The following LIPF variants were observed in gnomAD, a reference collection of about 807,000 sequenced individuals.
The protein encoded by LIPF is lipase F, gastric type, also known as gastric triacylglycerol lipase.
In LIPF, 25 loss-of-function variants were observed where a neutral mutation model predicts 38.0. The observed-to-expected ratio is 0.66, with a 90% CI of 0.48 to 0.92. LIPF has a LOEUF of 0.92. Ranked by LOEUF, LIPF falls within the 40% of genes least tolerant of loss-of-function variation. LIPF has a pLI of 0.00. For synonymous variants in LIPF, 161 were observed against 156.2 expected (o/e 1.03, Z -0.23); for missense variants, 410 against 469.9 (o/e 0.87, Z 1.18).
In LIPF at chr10:88,678,570, T is replaced by C. The variant is rs1328079470; in HGVS notation, c.1086T>C (p.Ile362=). 3 of 1,614,060 alleles carry C rather than the reference T, an allele frequency of 1.9e-6. No homozygotes were observed. Among genetic ancestry groups the C allele is most frequent in the East Asian group, 2.2e-5 (1 of 44,884 alleles). ...GLLLPKLPNL[I]YHKEIPFYNH... ...TGCTTCCAAAACTCCCCAATCTTAT[T>C]TACCACAAGGAGATTCCTTTTTACA... Residue 362 remains isoleucine (I), a synonymous_variant, in exon 10 of 10, where the codon ATT becomes ATC. Coordinates refer to ENST00000238983, the MANE Select transcript of LIPF (RefSeq NM_004190.4).
intron 6 of LIPF, among the ~76,000 whole-genome samples, chr10:88,672,580 T>C (rs1011179626): frequency 2.4e-4 from 36 of 151,706 alleles, no homozygotes; most frequent in African/African-American, 8.7e-4. Flanking sequence ...TTAATCGTTT[T>C]GTTTGACAAT....
At chr10:88,671,634 C>G (rs1475443177) in intron 5 of LIPF, among the ~76,000 whole-genome samples, 195 bp from the exon 6 acceptor site, 1 of 151,982 alleles carries the variant, frequency 6.6e-6, no homozygotes, top group Non-Finnish European at 1.5e-5. Context: ...CCTCATGTCC[C>G]CATAGAAAAA....
intron 4 of LIPF, 79 bp downstream of exon 4, chr10:88,668,835 T>C: frequency 8.5e-7 from 1 of 1,183,284 alleles, no homozygotes. Context: ...CAGTCCCATT[T>C]TAACAAATTA....
intron 9 of LIPF, among the ~76,000 whole-genome samples, chr10:88,676,515 C>A (rs1841689079): frequency 6.6e-6 from 1 of 152,168 alleles, no homozygotes; most frequent in African/African-American, 2.4e-5. Context: ...CTTCCCAGGA[C>A]TTACCACTAC....
At chr10:88,666,800 T>A (rs1242822510) in intron 1 of LIPF, among the ~76,000 whole-genome samples, 1 of 152,202 alleles carries the variant, frequency 6.6e-6, no homozygotes, top group African/African-American at 2.4e-5. Context: ...GTTTATGGAA[T>A]AACTATTATA....
Position 88,673,615 on chromosome 10 carries a change from C to T in LIPF, c.697C>T (p.Pro233Ser), listed in dbSNP as rs760545222. The T allele has an allele frequency of 1.9e-6, 3 of 1,611,236 alleles. No individual in the cohort carries two copies. Among genetic ancestry groups the T allele is most frequent in the Non-Finnish European group, 2.5e-6 (3 of 1,178,162 alleles). The change falls in exon 7 of 10, where the codon CCA becomes TCA. Residue 233 changes from proline to serine, a missense_variant. By Grantham distance (74) the Pro-to-Ser change is moderately conservative (BLOSUM62 -1). Coordinates refer to ENST00000238983, the MANE Select transcript of LIPF (RefSeq NM_004190.4). ...KFIFGDKIFY[P>S]HNFFDQFLAT... is the part of the protein sequence containing the mutation. ...TATATTTGGTGACAAAATATTCTAC[C>T]CACACAACTTCTTTGATCAATTTCT...
At position 88,673,582 on chromosome 10, in the gene LIPF, T is replaced by A. The variant is rs1177216283; in HGVS notation, c.670-6T>A. On this transcript the variant is annotated splice_region_variant and splice_polypyrimidine_tract_variant and intron_variant, in intron 6 of 9. Transcript: ENST00000238983. ...ACAACCCTCTAATAGTGCCTTTATT[T>A]TTCAGTTTATATTTGGTGACAAAAT... The A allele has an allele frequency of 6.2e-7, 1 of 1,604,558 alleles. No homozygotes were observed. Among genetic ancestry groups the A allele is most frequent in the Non-Finnish European group, 8.5e-7 (1 of 1,175,054 alleles).
intron 1 of LIPF, among the ~76,000 whole-genome samples, chr10:88,666,627 C>T (rs575921187): frequency 3.9e-5 from 6 of 151,964 alleles, no homozygotes; most frequent in South Asian, 4.1e-4. Flanking sequence ...GAAGCCCAGG[C>T]GGGAAGATAC....
chr10:88,667,631 T>C lies in LIPF; in HGVS notation c.168T>C (p.Gly56=), dbSNP rs994951413. The change falls in exon 3 of 10, where the codon GGT becomes GGC. Residue 56 remains glycine, a synonymous_variant. Coordinates refer to ENST00000238983, the MANE Select transcript of LIPF (RefSeq NM_004190.4). ...AATATGAAGTTGTGACTGAAGATGG[T>C]TATATTCTTGAAGTCAATAGAATTC... ...NEEYEVVTED[G]YILEVNRIPY... 3.2e-5 allele frequency: 51 copies of C among 1,598,980 alleles called. No individual in the cohort carries two copies. The East Asian group carries it at 1.1e-3, about 34-fold the overall frequency.
At chr10:88,668,449 A>G (rs187276187) in intron 3 of LIPF, 109 bp from the exon 4 acceptor site, 1 of 912,344 alleles carries the variant, frequency 1.1e-6, no homozygotes. Context: ...AATCAACTCA[A>G]TCAGGCAAAT....
intron 9 of LIPF, among the ~76,000 whole-genome samples, chr10:88,677,470 T>C (rs192788698): frequency 6.6e-6 from 1 of 152,210 alleles, no homozygotes; most frequent in Non-Finnish European, 1.5e-5. Flanking sequence ...AGGGCCAGCA[T>C]CTAGAAAACT....
At chr10:88,670,130 G>A (rs1478643594) in intron 5 of LIPF, among the ~76,000 whole-genome samples, 184 bp downstream of exon 5, 9 of 152,240 alleles carry the variant, frequency 5.9e-5, no homozygotes, top group South Asian at 2.1e-4. Context: ...GATACAGTTC[G>A]TGCAAGGTTA....
At chr10:88,671,094 T>C (rs1471867934) in intron 5 of LIPF, among the ~76,000 whole-genome samples, 1 of 152,200 alleles carries the variant, frequency 6.6e-6, no homozygotes, top group Non-Finnish European at 1.5e-5. Context: ...ACTTGATAAC[T>C]ACTTGATCAC....
intron 9 of LIPF, among the ~76,000 whole-genome samples, 161 bp from the exon 10 acceptor site, chr10:88,678,284 A>G (rs1479928757): frequency 6.6e-6 from 1 of 152,242 alleles, no homozygotes; most frequent in Non-Finnish European, 1.5e-5. Context: ...AACATATTGC[A>G]TTCACTTTGC....
At chr10:88,665,707 A>C in intron 1 of LIPF, 1 of 571,698 alleles carries the variant, frequency 1.7e-6, no homozygotes, top group Non-Finnish European at 3.1e-6. Context: ...CTAAAATATC[A>C]CGGTAAAAAC....
chr10:88,675,824 CTTTTTA>C (rs151140748), intron 8 of LIPF, among the ~76,000 whole-genome samples, 167 bp downstream of exon 8: 2,155 of 152,156 alleles, frequency 0.014, 33 homozygotes, highest in South Asian at 0.066. Flanking sequence ...GAAGAAAATG[CTTTTTA>C]TTTTATTTTA....
Position 88,667,352 on chromosome 10 carries a change from G to A in LIPF, c.55G>A (p.Gly19Ser). The change falls in exon 2 of 10, where the codon GGT becomes AGT. Residue 19 changes from glycine (G) to serine (S), a missense_variant. Physicochemically the swap from Gly to Ser is moderately conservative, Grantham distance 56 (BLOSUM62 0). Coordinates refer to ENST00000238983, the MANE Select transcript of LIPF (RefSeq NM_004190.4). ...SLISVLGTTH[G>S]LFGKLHPGSP... ...GATATCTGTACTGGGGACTACACAT[G>A]GTTTGTTTGGAAAATTACATCCTGG... 1 of 1,613,416 alleles carries A rather than the reference G, an allele frequency of 6.2e-7. No individual in the cohort carries two copies. Among genetic ancestry groups the A allele is most frequent in the Non-Finnish European group, 8.5e-7 (1 of 1,179,546 alleles).
Position 88,671,964 on chromosome 10 carries a change from A to G in LIPF, c.668A>G (p.Lys223Arg). The G allele has an allele frequency of 6.2e-7, 1 of 1,608,342 alleles. No homozygotes were observed. The highest frequency in any genetic ancestry group is 8.5e-7 in the Non-Finnish European group (1 of 1,177,588). ...KLRFVPQSLF[K>R]FIFGDKIFYP... ...AGATTTGTTCCTCAATCCCTCTTCA[A>G]GGTATGCAATTCTCTTTAATTAAGT... Residue 223 changes from lysine to arginine, a missense_variant and splice_region_variant, in exon 6 of 10, where the codon AAG becomes AGG. Lys to Arg is a conservative substitution (Grantham distance 26). Transcript: ENST00000238983.
intron 6 of LIPF, among the ~76,000 whole-genome samples, chr10:88,672,660 A>ACTCTCTCTCT (rs1255286986): frequency 7.2e-5 from 9 of 125,544 alleles, no homozygotes; most frequent in African/African-American, 2.9e-4. Context: ...ACACACACAC[A>ACTCTCTCTCT]CACACACACA....
Sources: allele counts gnomAD v4.1 joint callset (sites outside exome capture counted in the v4.1 genomes callset), GRCh38; gene constraint gnomAD v4.1.1; transcripts MANE v1.5; gene names NCBI Gene and HGNC (gene_info 2026-07-23, HGNC 2026-07-21).